Variants in PRG4 observed in about 807,000 individuals in gnomAD.
The protein encoded by PRG4 is proteoglycan 4.
PRG4 carries 61 observed loss-of-function variants against 91.2 expected under a neutral mutation model. The ratio of observed to expected loss-of-function variants is 0.67; its 90% confidence interval spans 0.54 to 0.83. The LOEUF (loss-of-function observed/expected upper bound fraction) is 0.83. PRG4 is among the 40% of genes least tolerant of loss of function. PRG4 has a pLI of 0.00. For missense variants in PRG4, 1,564 were observed against 1,714.2 expected (o/e 0.91, Z 1.55); for synonymous variants, 576 against 614.2 (o/e 0.94, Z 0.92).
intron 7 of PRG4, among the ~76,000 whole-genome samples, chr1:186,309,578 CATA>C (rs1437073634): frequency 6.6e-6 from 1 of 152,114 alleles, no homozygotes; most frequent in Non-Finnish European, 1.5e-5. Flanking sequence ...CATTCCAATT[CATA>C]ATAATTTATT....
rs950945341 is a variant in PRG4 at position 186,300,277 on chromosome 1, G to C, written c.199+64G>C. On this transcript the variant is annotated intron_variant, in intron 3 of 12. Transcript: ENST00000445192. ...ACTGCGAGTCTGTGAGTCCCCCCTT[G>C]CACCCTCGTGCAGTGCTGTGAGACT... 22 of 1,604,930 alleles carry C rather than the reference G, an allele frequency of 1.4e-5. No homozygotes were observed. In the African/African-American group the frequency reaches 2.8e-4, roughly 21 times the overall value.
In PRG4 at chr1:186,309,097, G is replaced by A. The variant is rs752142482; in HGVS notation, c.3378G>A (p.Pro1126=). The change falls in exon 7 of 13, where the codon CCG becomes CCA. Residue 1126 remains proline, a synonymous_variant. Transcript: ENST00000445192. ...TTACTCCCGACATGGATTACTTACC[G>A]AGAGTACCCAATCAAGGCATTATCA... ...PEVTPDMDYL[P]RVPNQGIIIN... is the part of the protein sequence containing the mutation. 6.8e-6 allele frequency: 11 copies of A among 1,613,762 alleles called. No individual in the cohort carries two copies. Among genetic ancestry groups the A allele is most frequent in the South Asian group, 2.2e-5 (2 of 91,072 alleles).
At chr1:186,313,430 T>C (rs1343266773) in intron 12 of PRG4, 1 of 446,166 alleles carries the variant, frequency 2.2e-6, no homozygotes, top group Non-Finnish European at 4.0e-6. Context: ...CTCTTTAATG[T>C]TTACTTCATA....
chr1:186,309,736 C>A, intron 7 of PRG4, 57 bp from the exon 8 acceptor site: 1 of 1,263,310 alleles, frequency 7.9e-7, no homozygotes, highest in Non-Finnish European at 1.2e-6. Context: ...TTGAAAAGAA[C>A]ATACAGACTT....
At position 186,306,528 on chromosome 1, in the gene PRG4, C is replaced by T. The variant is rs754197212; in HGVS notation, c.809C>T (p.Thr270Ile). The part of the protein sequence containing the change: ...PRPSLPPNSD[T>I]SKETSLTVNK... ...CCCAGTCTTCCACCTAATTCTGATA[C>T]ATCTAAAGAGACGTCTTTGACAGTG... Residue 270 changes from threonine (T) to isoleucine (I), a missense_variant, in exon 7 of 13, where the codon ACA (threonine) becomes ATA (isoleucine). Physicochemically the swap from Thr to Ile is moderately conservative, Grantham distance 89. Transcript: ENST00000445192. 1.2e-6 allele frequency: 2 copies of T among 1,612,926 alleles called. No individual in the cohort carries two copies. The highest frequency in any genetic ancestry group is 1.7e-4 in the Middle Eastern group (1 of 6,058).
Position 186,306,339 on chromosome 1 carries a change from G to A in PRG4, c.620G>A (p.Arg207Lys). ...KLKVKDNKKN[R>K]TKKKPTPKPP... ...CCAGTAAAAGATAACAAGAAGAACA[G>A]AACTAAAAAGAAACCTACCCCCAAA... Residue 207 changes from arginine to lysine, a missense_variant, in exon 7 of 13, where the codon AGA becomes AAA. This residue lies in a region of PRG4 where 437 missense variants were observed against 459.0 expected (regional missense o/e 0.95). Coordinates refer to ENST00000445192, the MANE Select transcript of PRG4 (RefSeq NM_005807.6). 1 of 1,601,346 alleles carries A rather than the reference G, an allele frequency of 6.2e-7. No individual in the cohort carries two copies. The highest frequency in any genetic ancestry group is 8.5e-7 in the Non-Finnish European group (1 of 1,175,510).
In PRG4 at chr1:186,308,066, C is replaced by T. The variant is rs146627867; in HGVS notation, c.2347C>T (p.Pro783Ser). ...PAPTTPKGTA[P>S]TTLKEPAPTT... The stretch of plus-strand genomic sequence containing the variant: ...TCCAACTACCCCTAAGGGGACTGCT[C>T]CAACTACCCTCAAGGAACCTGCACC... Residue 783 changes from proline to serine, a missense_variant, in exon 7 of 13, where the codon CCA becomes TCA. Physicochemically the swap from Pro to Ser is moderately conservative, Grantham distance 74. Around this residue, in one of 3 missense-constraint regions of PRG4, gnomAD observed 1,079 missense variants for 1,162.2 expected, o/e 0.93. Transcript: ENST00000445192. 7.4e-6 allele frequency: 12 copies of T among 1,611,030 alleles called. No homozygotes were observed. The African/African-American group carries it at 1.5e-4, about 20-fold the overall frequency.
intron 12 of PRG4, 153 bp downstream of exon 12, chr1:186,313,047 CT>C (rs901526136): frequency 1.2e-6 from 1 of 812,518 alleles, no homozygotes; most frequent in African/African-American, 1.7e-5. Context: ...AAGACTTTTG[CT>C]TTAATTTCAA....
intron 10 of PRG4, 192 bp from the exon 11 acceptor site, chr1:186,311,979 TATTC>T (rs894869414): frequency 8.6e-6 from 5 of 578,856 alleles, no homozygotes; most frequent in South Asian, 2.3e-5. Context: ...TTGCTGCATC[TATTC>T]ATTCAACAAG....
intron 4 of PRG4, among the ~76,000 whole-genome samples, 170 bp downstream of exon 4, chr1:186,301,881 C>T (rs963751829): frequency 5.3e-5 from 8 of 152,102 alleles, no homozygotes; most frequent in Non-Finnish European, 7.4e-5. Context: ...AGAAGAAAAG[C>T]GCCTTCCAAC....
Position 186,300,228 on chromosome 1 carries a change from C to G in PRG4, c.199+15C>G. 1 of 1,613,474 alleles carries G rather than the reference C, an allele frequency of 6.2e-7. No homozygotes were observed. Among genetic ancestry groups the G allele is most frequent in the East Asian group, 2.2e-5 (1 of 44,888 alleles). ...CTGCACTGCGGGTAAGTCCTGAGAG[C>G]GGGTGTCTCCTCTGTCAAGCAACAC... On this transcript the variant is annotated intron_variant, in intron 3 of 12. Transcript: ENST00000445192.
At chr1:186,310,473 G>T (rs527967604) in intron 8 of PRG4, among the ~76,000 whole-genome samples, 2 of 152,060 alleles carry the variant, frequency 1.3e-5, no homozygotes, top group East Asian at 1.9e-4. Context: ...GATAGTGACT[G>T]TAAGTCACAA....
At position 186,296,891 on chromosome 1, in the gene PRG4, C is replaced by G. The variant is rs576427419; in HGVS notation, c.16C>G (p.Leu6Val). 1.4e-5 allele frequency: 23 copies of G among 1,613,884 alleles called. No homozygotes were observed. In the South Asian group the frequency reaches 2.5e-4, roughly 18 times the overall value. Residue 6 changes from leucine (L) to valine (V), a missense_variant, in exon 2 of 13, where the codon CTT becomes GTT. Transcript: ENST00000445192. MAWKT[L>V]PIYLLLLLSV... The stretch of plus-strand genomic sequence containing the variant: ...GAAAACAACGATGGCATGGAAAACA[C>G]TTCCCATTTACCTGTTGTTGCTGCT...
rs1283691934 is a variant in PRG4 at position 186,307,819 on chromosome 1, C to G, written c.2100C>G (p.Thr700=). 5.6e-6 allele frequency: 9 copies of G among 1,610,498 alleles called. No individual in the cohort carries two copies. Among genetic ancestry groups the G allele is most frequent in the Non-Finnish European group, 7.6e-6 (9 of 1,179,272 alleles). The change falls in exon 7 of 13, where the codon ACC becomes ACG. Residue 700 remains threonine (T), a synonymous_variant. Coordinates refer to ENST00000445192, the MANE Select transcript of PRG4 (RefSeq NM_005807.6). Reference sequence around the variant, plus strand: ...CCCCTAAGGAGCCTGCTCCAACTACCCCTAAGGAGACTGCTCCAACTACCC... The same window carrying G: ...CCCCTAAGGAGCCTGCTCCAACTACGCCTAAGGAGACTGCTCCAACTACCC... ...PTTPKEPAPT[T]PKETAPTTPK...
At position 186,301,671 on chromosome 1, in the gene PRG4, TGACAA is replaced by T; in HGVS notation, c.281_285del (p.Asp94ValfsTer6). 1 of 1,613,800 alleles carries T rather than the reference TGACAA, an allele frequency of 6.2e-7. No individual in the cohort carries two copies. Among genetic ancestry groups the T allele is most frequent in the Non-Finnish European group, 8.5e-7 (1 of 1,179,760 alleles). ...ACTGCGACGCCCAATGTAAGAAGTATGACAAGTGCTGTCCCGATTATGAGAGTTTC... is the reference window on the plus strand; with the variant it reads ...ACTGCGACGCCCAATGTAAGAAGTATGTGCTGTCCCGATTATGAGAGTTTC... On this transcript the variant is annotated frameshift_variant, in exon 4 of 13. Coordinates refer to ENST00000445192, the MANE Select transcript of PRG4 (RefSeq NM_005807.6). LOFTEE classifies it high-confidence loss of function.
Position 186,311,024 on chromosome 1 carries a change from T to C in PRG4, c.3500-10T>C. On this transcript the variant is annotated splice_polypyrimidine_tract_variant and intron_variant, in intron 8 of 12. Transcript: ENST00000445192. ...CAGCTTGTAGGCTGATGTCTTTCCT[T>C]AAATTTTAGGTCATTATTTCTGGAT... The C allele has an allele frequency of 6.2e-7, 1 of 1,614,022 alleles. No homozygotes were observed. Among genetic ancestry groups the C allele is most frequent in the Non-Finnish European group, 8.5e-7 (1 of 1,179,916 alleles).
At position 186,307,437 on chromosome 1, in the gene PRG4, C is replaced by A. The variant is rs762131603; in HGVS notation, c.1718C>A (p.Pro573His). 1 of 1,583,420 alleles carries A rather than the reference C, an allele frequency of 6.3e-7. No homozygotes were observed. The highest frequency in any genetic ancestry group is 1.1e-5 in the South Asian group (1 of 87,000). Residue 573 changes from proline to histidine, a missense_variant, in exon 7 of 13, where the codon CCC (proline) becomes CAC (histidine). Physicochemically the swap from Pro to His is moderately conservative, Grantham distance 77. This residue lies in a region of PRG4 where 1,079 missense variants were observed against 1,162.2 expected (regional missense o/e 0.93). Coordinates refer to ENST00000445192, the MANE Select transcript of PRG4 (RefSeq NM_005807.6). ...CCCAAGGAGCCTGCACCCACCACCC[C>A]CAAGAAGCCTGCCCCAACTACCCCC... ...TTPKEPAPTT[P>H]KKPAPTTPKE...
In PRG4 at chr1:186,311,488, C is replaced by T; in HGVS notation, c.3685C>T (p.Pro1229Ser). Residue 1229 changes from proline (P) to serine (S), a missense_variant, in exon 10 of 13, where the codon CCC becomes TCC. Physicochemically the swap from Pro to Ser is moderately conservative, Grantham distance 74. Coordinates refer to ENST00000445192, the MANE Select transcript of PRG4 (RefSeq NM_005807.6). ...FTNDIKDAGY[P>S]KPIFKGFGGL... ...CAATGATATAAAAGATGCAGGGTACCCCAAACCAATTTTCAAAGGATTTGG... is the reference window on the plus strand; with the variant it reads ...CAATGATATAAAAGATGCAGGGTACTCCAAACCAATTTTCAAAGGATTTGG... 2 of 1,613,728 alleles carry T rather than the reference C, an allele frequency of 1.2e-6. No homozygotes were observed. The highest frequency in any genetic ancestry group is 2.2e-5 in the East Asian group (1 of 44,846).
chr1:186,297,570 G>T (rs1443726803), intron 2 of PRG4, among the ~76,000 whole-genome samples: 1 of 152,102 alleles, frequency 6.6e-6, no homozygotes, highest in African/African-American at 2.4e-5. Flanking sequence ...AATAGTTCTT[G>T]TTACTCATTT....
Sources: allele counts gnomAD v4.1 joint callset (sites outside exome capture counted in the v4.1 genomes callset), GRCh38; gene constraint gnomAD v4.1.1; regional missense constraint gnomAD v4.1.1; transcripts MANE v1.5; gene names NCBI Gene and HGNC (gene_info 2026-07-23, HGNC 2026-07-21).